TDRD3: variants seen among roughly 807,000 people sequenced by gnomAD.
TDRD3 encodes tudor domain containing 3.
In TDRD3, 45 loss-of-function variants were observed where a neutral mutation model predicts 86.7. The ratio of observed to expected loss-of-function variants is 0.52; its 90% CI spans 0.41 to 0.67. TDRD3 has a LOEUF of 0.67. Ranked by LOEUF, TDRD3 falls within the 30% of genes least tolerant of loss-of-function variation. The probability of loss-of-function intolerance (pLI) is 0.00; values close to 1 mark genes in which losing one functional copy is unlikely to be tolerated. For missense variants in TDRD3, 814 were observed against 889.0 expected (o/e 0.92, Z 1.07); for synonymous variants, 298 against 301.7 (o/e 0.99, Z 0.13).
chr13:60,538,399 G>GTTT (rs1957742506), intron 12 of TDRD3, among the ~76,000 whole-genome samples: 1 of 121,338 alleles, frequency 8.2e-6, no homozygotes, highest in Admixed American at 8.2e-5. Flanking sequence ...TTTTTTTTTG[G>GTTT]CTGTCTTAAG....
intron 12 of TDRD3, chr13:60,536,300 A>G (rs1213212414): frequency 6.6e-6 from 1 of 152,016 alleles, no homozygotes; most frequent in Non-Finnish European, 1.5e-5. Context: ...TATTATTCCA[A>G]CTTTTACAAC....
intron 8 of TDRD3, among the ~76,000 whole-genome samples, chr13:60,506,967 G>T (rs999736161): frequency 6.6e-6 from 1 of 152,072 alleles, no homozygotes. Flanking sequence ...CCCATCTCAC[G>T]TGCAAAGACA....
intron 1 of TDRD3, among the ~76,000 whole-genome samples, chr13:60,410,762 A>G (rs1468460553): frequency 1.3e-5 from 2 of 152,124 alleles, no homozygotes; most frequent in Admixed American, 1.3e-4. Flanking sequence ...TGGTTGCTAC[A>G]TTTTGAAGTT....
intron 10 of TDRD3, 99 bp from the exon 11 acceptor site, chr13:60,528,268 A>G: frequency 7.8e-7 from 1 of 1,283,468 alleles, no homozygotes; most frequent in Admixed American, 2.6e-5. Flanking sequence ...TTAGAATAGT[A>G]GTTTGATAAT....
At chr13:60,433,511 T>A (rs1955005565) in intron 1 of TDRD3, among the ~76,000 whole-genome samples, 1 of 152,244 alleles carries the variant, frequency 6.6e-6, no homozygotes, top group African/African-American at 2.4e-5. Flanking sequence ...TTGGTTCTTT[T>A]CTTGCTTGGA....
chr13:60,487,205 T>C (rs541683495), intron 7 of TDRD3, among the ~76,000 whole-genome samples: 2 of 152,306 alleles, frequency 1.3e-5, no homozygotes, highest in South Asian at 4.1e-4. Context: ...GATTTAAATA[T>C]ACAAGAATGG....
intron 10 of TDRD3, 38 bp downstream of exon 10, chr13:60,510,793 CTTTTCTTTCT>C: frequency 1.5e-6 from 2 of 1,331,668 alleles, no homozygotes; most frequent in South Asian, 1.9e-5. Context: ...TTTTTTCTTT[CTTTTCTTTCT>C]TTTTTTTTTT....
intron 10 of TDRD3, among the ~76,000 whole-genome samples, chr13:60,517,341 G>T (rs1221454205): frequency 6.6e-6 from 1 of 152,152 alleles, no homozygotes; most frequent in Non-Finnish European, 1.5e-5. Context: ...GCCGAGACAA[G>T]AGAGAATGTG....
chr13:60,523,281 T>C (rs1024933973), intron 10 of TDRD3, among the ~76,000 whole-genome samples: 4 of 152,214 alleles, frequency 2.6e-5, no homozygotes, highest in Admixed American at 6.5e-5. Context: ...AGATGCCTGA[T>C]TAATTTAGTA....
intron 11 of TDRD3, 29 bp from the exon 12 acceptor site, chr13:60,535,079 C>A: frequency 1.2e-6 from 2 of 1,611,302 alleles, no homozygotes; most frequent in South Asian, 2.2e-5. Context: ...TACCAGTTGT[C>A]ATATTTAAAA....
chr13:60,443,407 T>A (rs1421479111), intron 2 of TDRD3, among the ~76,000 whole-genome samples: 1 of 152,038 alleles, frequency 6.6e-6, no homozygotes, highest in Non-Finnish European at 1.5e-5. Flanking sequence ...CACATGAGTC[T>A]GGATTTGGCT....
intron 11 of TDRD3, among the ~76,000 whole-genome samples, chr13:60,529,496 C>T (rs1957532950): frequency 6.6e-6 from 1 of 152,052 alleles, no homozygotes; most frequent in Non-Finnish European, 1.5e-5. Context: ...TGAAGTTGAG[C>T]TTTATTTTAC....
intron 1 of TDRD3, among the ~76,000 whole-genome samples, chr13:60,414,483 G>A (rs1954444262): frequency 6.6e-6 from 1 of 152,078 alleles, no homozygotes; most frequent in South Asian, 2.1e-4. Context: ...GCCAATCTCT[G>A]CCCTAAGTAA....
chr13:60,567,601 C>T lies in TDRD3; in HGVS notation c.2195C>T (p.Pro732Leu), dbSNP rs781735949. ...GGCCAGCCAAGACGATCCACTCGGCCAACCCAACAGTTTTACCAACCACCC... is the reference window on the plus strand; with the variant it reads ...GGCCAGCCAAGACGATCCACTCGGCTAACCCAACAGTTTTACCAACCACCC... ...GDGQPRRSTR[P>L]TQQFYQPPRA... is the part of the protein sequence containing the mutation. The change falls in exon 13 of 14, where the codon CCA becomes CTA. Residue 732 changes from proline to leucine, a missense_variant. Transcript: ENST00000377881. 1.9e-6 allele frequency: 3 copies of T among 1,614,140 alleles called. No homozygotes were observed. Among genetic ancestry groups the T allele is most frequent in the Non-Finnish European group, 2.5e-6 (3 of 1,180,026 alleles).
At chr13:60,451,458 G>A (rs965793979) in intron 3 of TDRD3, among the ~76,000 whole-genome samples, 8 of 152,056 alleles carry the variant, frequency 5.3e-5, no homozygotes, top group East Asian at 1.9e-4. Context: ...GTTCATTGTC[G>A]GCATCTTTTT....
chr13:60,430,765 G>A (rs1954936137), intron 1 of TDRD3, among the ~76,000 whole-genome samples: 1 of 151,894 alleles, frequency 6.6e-6, no homozygotes, highest in Admixed American at 6.6e-5. Context: ...GCATTCTAGG[G>A]TGAATGCCTT....
At chr13:60,539,789 C>T (rs1363991063) in intron 12 of TDRD3, among the ~76,000 whole-genome samples, 2 of 151,652 alleles carry the variant, frequency 1.3e-5, no homozygotes, top group African/African-American at 4.8e-5. Context: ...TAGAACCTTC[C>T]ATAATTCTAA....
chr13:60,482,594 A>G (rs1382277475), intron 5 of TDRD3, among the ~76,000 whole-genome samples: 2 of 152,158 alleles, frequency 1.3e-5, no homozygotes. Flanking sequence ...TCTTTGTTTA[A>G]TGTTTAAATT....
At chr13:60,479,989 C>T (rs1170259657) in intron 5 of TDRD3, among the ~76,000 whole-genome samples, 1 of 152,070 alleles carries the variant, frequency 6.6e-6, no homozygotes, top group East Asian at 1.9e-4. Context: ...GTCATTTAAC[C>T]AGTTTACATT....
Sources: gnomAD v4.1 joint callset for allele counts (sites outside exome capture counted in the v4.1 genomes callset) on GRCh38, gnomAD v4.1.1 for gene constraint, MANE v1.5 for transcripts, NCBI Gene and HGNC (gene_info 2026-07-23, HGNC 2026-07-21) for gene names.